The following PCDH15 variants were observed in gnomAD, a reference collection of about 807,000 sequenced individuals.
The protein encoded by PCDH15 is protocadherin related 15.
In PCDH15, 129 loss-of-function variants were observed where a neutral mutation model predicts 178.5. The ratio of observed to expected loss-of-function variants is 0.72; its 90% CI spans 0.63 to 0.84. The LOEUF is 0.84. PCDH15 is among the 40% of genes least tolerant of loss of function. The probability of loss-of-function intolerance (pLI) is 0.00; values close to 1 mark genes in which losing one functional copy is unlikely to be tolerated. For synonymous variants in PCDH15, 800 were observed against 732.0 expected (o/e 1.09, Z -1.50); for missense variants, 2,230 against 2,099.9 (o/e 1.06, Z -1.21).
chr10:55,459,735 A>C (rs537295942), intron 2 of PCDH15, among the ~76,000 whole-genome samples: 1 of 152,226 alleles, frequency 6.6e-6, no homozygotes, highest in African/African-American at 2.4e-5. Context: ...AGAGGAAAAC[A>C]CTTAAGGTTT....
rs1372816982 is a variant in PCDH15 at position 53,803,144 on chromosome 10, G to A, written c.*3435C>T. 6.6e-6 allele frequency: 1 copy of A among 151,904 alleles called. No homozygotes were observed. Among genetic ancestry groups the A allele is most frequent in the Non-Finnish European group, 1.5e-5 (1 of 67,868 alleles). The allele number at this position is 151,904 out of a possible 1,614,324, so 9.4% of individuals were successfully genotyped here. A position where few individuals can be genotyped will look rare whatever the true frequency, so the allele number is the denominator to read the frequency against. On this transcript the variant is annotated 3_prime_UTR_variant, in exon 38 of 38. Transcript: ENST00000644397. ...AAGAAACTATCTATAAAATGTGTAA[G>A]TCCTCAACATTATTTTGAACCTATC...
At chr10:54,024,514 T>C (rs968036741) in intron 18 of PCDH15, among the ~76,000 whole-genome samples, 3 of 152,172 alleles carry the variant, frequency 2.0e-5, no homozygotes, top group African/African-American at 7.2e-5. Flanking sequence ...GCATCTTCTT[T>C]GAAACAAGAA....
At chr10:54,081,940 A>G (rs184588743) in intron 16 of PCDH15, among the ~76,000 whole-genome samples, 2 of 152,304 alleles carry the variant, frequency 1.3e-5, no homozygotes, top group African/African-American at 4.8e-5. Context: ...TCTGGAAAAC[A>G]GTCACAGGTT....
At chr10:54,867,147 A>G (rs1197124794) in intron 3 of PCDH15, among the ~76,000 whole-genome samples, 3 of 152,154 alleles carry the variant, frequency 2.0e-5, no homozygotes, top group Non-Finnish European at 2.9e-5. Context: ...GGCTGGGGGA[A>G]TATCAGGCAG....
intron 9 of PCDH15, among the ~76,000 whole-genome samples, chr10:54,215,661 TAA>T (rs1350676040): frequency 3.3e-5 from 5 of 152,178 alleles, no homozygotes; most frequent in East Asian, 1.9e-4. Context: ...GAAAAAGAGA[TAA>T]GTTTAACTAT....
chr10:54,461,363 G>A lies in PCDH15; in HGVS notation c.157+66449C>T, dbSNP rs374064748. 2.0e-4 allele frequency among the ~76,000 whole-genome samples: 31 copies of A among 152,082 alleles called. No homozygotes were observed. In the East Asian group the frequency reaches 5.8e-3, roughly 28 times the overall value. ...TTTCTTTACTTTTTGCAAGTTGTATGTAACATTAGCACACAAAAAAATAGT... is the reference window on the plus strand; with the variant it reads ...TTTCTTTACTTTTTGCAAGTTGTATATAACATTAGCACACAAAAAAATAGT... On this transcript the variant is annotated intron_variant, in intron 3 of 37. Coordinates refer to ENST00000644397, the MANE Select transcript of PCDH15 (RefSeq NM_001384140.1).
intron 3 of PCDH15, among the ~76,000 whole-genome samples, chr10:54,867,010 G>T (rs1953954767): frequency 6.6e-6 from 1 of 152,162 alleles, no homozygotes; most frequent in African/African-American, 2.4e-5. Flanking sequence ...TTAAGTAATT[G>T]TGAGATGTTT....
At chr10:55,055,842 G>A (rs988778690) in intron 2 of PCDH15, among the ~76,000 whole-genome samples, 21 of 151,952 alleles carry the variant, frequency 1.4e-4, no homozygotes, top group Non-Finnish European at 3.1e-4. Context: ...AAGAAAGAAA[G>A]AAAGGAGGGT....
At chr10:55,071,681 A>T (rs1459935929) in intron 2 of PCDH15, among the ~76,000 whole-genome samples, 2 of 152,182 alleles carry the variant, frequency 1.3e-5, no homozygotes, top group Non-Finnish European at 2.9e-5. Context: ...AACATTAGAC[A>T]GATCAACGAG....
intron 2 of PCDH15, among the ~76,000 whole-genome samples, chr10:55,547,045 C>A (rs1170977490): frequency 1.3e-5 from 2 of 152,052 alleles, no homozygotes; most frequent in Non-Finnish European, 2.9e-5. Flanking sequence ...TAAGGAGATT[C>A]AGAACAAAGA....
In PCDH15 at chr10:54,480,629, A is replaced by G. The variant is rs1465162827; in HGVS notation, c.157+47183T>C. Reference sequence around the variant, plus strand: ...CAGAGTCTAAAACTTATATGAATACATGCTGAAAGTGGATGCTCTTAGTTG... The same window carrying G: ...CAGAGTCTAAAACTTATATGAATACGTGCTGAAAGTGGATGCTCTTAGTTG... On this transcript the variant is annotated intron_variant, in intron 3 of 37. Coordinates refer to ENST00000644397, the MANE Select transcript of PCDH15 (RefSeq NM_001384140.1). Among the ~76,000 whole-genome samples the G allele has an allele frequency of 3.9e-5, 6 of 152,050 alleles. No homozygotes were observed. In the South Asian group the frequency reaches 6.2e-4, roughly 16 times the overall value.
intron 1 of PCDH15, among the ~76,000 whole-genome samples, chr10:54,684,731 G>T (rs1194541146): frequency 6.6e-6 from 1 of 151,980 alleles, no homozygotes; most frequent in African/African-American, 2.4e-5. Context: ...TTCAAAGTTT[G>T]ACCTTTTTAC....
intron 6 of PCDH15, among the ~76,000 whole-genome samples, chr10:54,340,747 G>T (rs1012254767): frequency 6.6e-6 from 1 of 152,072 alleles, no homozygotes; most frequent in African/African-American, 2.4e-5. Context: ...CATGGTTTGG[G>T]GGTTTGCCAT....
intron 20 of PCDH15, among the ~76,000 whole-genome samples, chr10:54,019,755 C>T (rs7912972): frequency 0.41 from 62,810 of 151,792 alleles, 14,292 homozygotes; most frequent in Middle Eastern, 0.63. Context: ...AACTTGGAAG[C>T]TTATTTCATT....
chr10:53,910,404 C>G (rs2082996675), intron 25 of PCDH15, among the ~76,000 whole-genome samples: 2 of 152,164 alleles, frequency 1.3e-5, no homozygotes, highest in Admixed American at 1.3e-4. Flanking sequence ...CTCCAACAGA[C>G]TTGCAGCTAA....
intron 2 of PCDH15, among the ~76,000 whole-genome samples, chr10:54,580,055 A>G (rs2090897201): frequency 6.6e-6 from 1 of 152,038 alleles, no homozygotes; most frequent in African/African-American, 2.4e-5. Flanking sequence ...CATTACACCT[A>G]TGGGAACCGG....
At chr10:54,170,389 C>A (rs902829510) in intron 13 of PCDH15, among the ~76,000 whole-genome samples, 1 of 152,010 alleles carries the variant, frequency 6.6e-6, no homozygotes, top group African/African-American at 2.4e-5. Flanking sequence ...TAGTCTAGCC[C>A]TCATGTCTGC....
At chr10:55,098,646 A>G (rs1842499983) in intron 2 of PCDH15, among the ~76,000 whole-genome samples, 1 of 152,004 alleles carries the variant, frequency 6.6e-6, no homozygotes, top group Non-Finnish European at 1.5e-5. Flanking sequence ...CCCCATTTGC[A>G]TAAGATTAGG....
At chr10:53,808,662 C>G in intron 37 of PCDH15, 1 of 1,599,322 alleles carries the variant, frequency 6.3e-7, no homozygotes, top group South Asian at 1.1e-5. Flanking sequence ...GCACTCATCA[C>G]AGCAAAACTT....
Sources: allele counts gnomAD v4.1 joint callset (sites outside exome capture counted in the v4.1 genomes callset), GRCh38; gene constraint gnomAD v4.1.1; transcripts MANE v1.5; gene names NCBI Gene and HGNC (gene_info 2026-07-23, HGNC 2026-07-21).